Variants in TSHZ1 observed in about 807,000 individuals in gnomAD.
TSHZ1 encodes the protein teashirt homolog 1.
Under a neutral mutation model 67.1 loss-of-function variants are expected in TSHZ1, and 12 were observed. The observed-to-expected ratio is 0.18, with a 90% CI of 0.11 to 0.29. TSHZ1 has a LOEUF of 0.29. TSHZ1 is among the 10% of genes least tolerant of loss of function. The pLI is 1.00. For missense variants in TSHZ1, 1,305 were observed against 1,413.9 expected (o/e 0.92, Z 1.23); for synonymous variants, 632 against 622.4 (o/e 1.02, Z -0.23).
In TSHZ1 at chr18:75,271,587, G is replaced by A. The variant is rs533181350; in HGVS notation, c.41-13861G>A. Among the ~76,000 whole-genome samples the A allele has an allele frequency of 4.6e-5, 7 of 152,230 alleles. No individual in the cohort carries two copies. In the East Asian group the frequency reaches 1.2e-3, roughly 25 times the overall value. On this transcript the variant is annotated intron_variant, in intron 1 of 1. Transcript: ENST00000580243. ...AGTGTCACCTGTCTAGGTGAGTTGTGCCCGTGCCTATCTGAAGTGACAGCC... is the reference window on the plus strand; with the variant it reads ...AGTGTCACCTGTCTAGGTGAGTTGTACCCGTGCCTATCTGAAGTGACAGCC...
At chr18:75,219,638 C>G (rs1190431286) in intron 1 of TSHZ1, among the ~76,000 whole-genome samples, 1 of 152,196 alleles carries the variant, frequency 6.6e-6, no homozygotes, top group Admixed American at 6.5e-5. Flanking sequence ...TATTCTTGAA[C>G]TCTTTCTTTA....
chr18:75,226,680 C>G (rs531123863), intron 1 of TSHZ1, among the ~76,000 whole-genome samples: 1 of 151,916 alleles, frequency 6.6e-6, no homozygotes, highest in East Asian at 1.9e-4. Context: ...TTCCTTTTCC[C>G]TGGAGCCATG....
In TSHZ1 at chr18:75,289,178, G is replaced by T. The variant is rs2023828530; in HGVS notation, c.*537G>T. 1 of 166,994 alleles carries T rather than the reference G, an allele frequency of 6.0e-6. No individual in the cohort carries two copies. Among genetic ancestry groups the T allele is most frequent in the Admixed American group, 6.6e-5 (1 of 15,266 alleles). The allele number at this position is 166,994 out of a possible 1,614,324, so 10.3% of individuals were successfully genotyped here. ...ATTAAAAAATGAGCTTTTATATGCAGAACTGGTTTGTGAGGAAACATGCAT... is the reference window on the plus strand; with the variant it reads ...ATTAAAAAATGAGCTTTTATATGCATAACTGGTTTGTGAGGAAACATGCAT... On this transcript the variant is annotated 3_prime_UTR_variant, in exon 2 of 2. Coordinates refer to ENST00000580243, the MANE Select transcript of TSHZ1 (RefSeq NM_001308210.2).
At chr18:75,224,547 G>A (rs946286598) in intron 1 of TSHZ1, among the ~76,000 whole-genome samples, 2 of 152,176 alleles carry the variant, frequency 1.3e-5, no homozygotes, top group African/African-American at 4.8e-5. Flanking sequence ...GAGGAAGGGA[G>A]AAGTTTAAAC....
intron 1 of TSHZ1, among the ~76,000 whole-genome samples, chr18:75,255,278 C>T (rs1392779132): frequency 6.6e-6 from 1 of 152,100 alleles, no homozygotes; most frequent in African/African-American, 2.4e-5. Context: ...CTGTTCACCT[C>T]TAGTTTTTCA....
intron 1 of TSHZ1, chr18:75,284,122 C>T (rs1157080663): frequency 1.3e-5 from 2 of 152,606 alleles, no homozygotes; most frequent in Admixed American, 1.3e-4. Flanking sequence ...GTGCCTTGGT[C>T]AAAGAAGCTG....
At chr18:75,266,593 G>C (rs2023493101) in intron 1 of TSHZ1, among the ~76,000 whole-genome samples, 1 of 152,186 alleles carries the variant, frequency 6.6e-6, no homozygotes, top group South Asian at 2.1e-4. Context: ...ATATTCTCTT[G>C]AAACATAAGG....
rs561728993 is a variant in TSHZ1 at position 75,281,118 on chromosome 18, C to G, written c.41-4330C>G. ...AGCAAAGGCTTGCACTCAGGGTTGTCGGGAGCACAGCGTCTGCTGGAAGGG... is the reference window on the plus strand; with the variant it reads ...AGCAAAGGCTTGCACTCAGGGTTGTGGGGAGCACAGCGTCTGCTGGAAGGG... On this transcript the variant is annotated intron_variant, in intron 1 of 1. Transcript: ENST00000580243. This position sits in a 1 kb window ranked among gnomAD's most constrained non-coding sequence, Gnocchi z 5.3. 5.3e-5 allele frequency among the ~76,000 whole-genome samples: 8 copies of G among 152,130 alleles called. No homozygotes were observed. The highest frequency in any genetic ancestry group is 1.0e-4 in the Non-Finnish European group (7 of 68,018).
At chr18:75,217,917 A>C (rs1487581584) in intron 1 of TSHZ1, among the ~76,000 whole-genome samples, 1 of 152,342 alleles carries the variant, frequency 6.6e-6, no homozygotes, top group East Asian at 1.9e-4. Flanking sequence ...AAATATTCTG[A>C]AAACTTAAAG....
At chr18:75,243,531 A>T (rs1039659637) in intron 1 of TSHZ1, among the ~76,000 whole-genome samples, 1 of 152,010 alleles carries the variant, frequency 6.6e-6, no homozygotes, top group South Asian at 2.1e-4. Flanking sequence ...AGGGGTGGGG[A>T]AGATGAGGAG....
chr18:75,220,315 T>A (rs1158132510), intron 1 of TSHZ1, among the ~76,000 whole-genome samples: 1 of 152,206 alleles, frequency 6.6e-6, no homozygotes, highest in Non-Finnish European at 1.5e-5. Flanking sequence ...ACCGACTCTT[T>A]TTTTACATTT....
intron 1 of TSHZ1, among the ~76,000 whole-genome samples, chr18:75,272,268 G>A (rs960277989): frequency 1.3e-4 from 20 of 152,210 alleles, no homozygotes; most frequent in Admixed American, 2.0e-4. Context: ...GCCGGCACGC[G>A]AGGCGCCTTG....
intron 1 of TSHZ1, among the ~76,000 whole-genome samples, chr18:75,265,681 A>G (rs1000238248): frequency 6.6e-6 from 1 of 152,190 alleles, no homozygotes; most frequent in Non-Finnish European, 1.5e-5. Flanking sequence ...TAGAGAATGA[A>G]ACATCCAGTG....
chr18:75,248,032 C>T (rs949918993), intron 1 of TSHZ1, among the ~76,000 whole-genome samples: 23 of 152,108 alleles, frequency 1.5e-4, no homozygotes, highest in African/African-American at 5.6e-4. Context: ...AAGATAAGCG[C>T]ACTAGCCAAA....
At chr18:75,270,838 T>A (rs2023547834) in intron 1 of TSHZ1, among the ~76,000 whole-genome samples, 1 of 152,202 alleles carries the variant, frequency 6.6e-6, no homozygotes, top group Non-Finnish European at 1.5e-5. Flanking sequence ...TTCTGAATCT[T>A]TTCTTTCCCC....
chr18:75,212,324 A>C (rs992596230), intron 1 of TSHZ1, among the ~76,000 whole-genome samples: 6 of 152,136 alleles, frequency 3.9e-5, no homozygotes, highest in African/African-American at 1.4e-4. Context: ...CAAGGTCACC[A>C]GGCTGGGACG....
intron 1 of TSHZ1, among the ~76,000 whole-genome samples, chr18:75,226,000 A>G (rs1295402277): frequency 2.0e-5 from 3 of 152,228 alleles, no homozygotes; most frequent in African/African-American, 7.2e-5. Flanking sequence ...TTTGGAAATT[A>G]GTGCTATCTC....
intron 1 of TSHZ1, among the ~76,000 whole-genome samples, chr18:75,277,132 G>T (rs530742594): frequency 8.1e-4 from 124 of 152,284 alleles, no homozygotes; most frequent in African/African-American, 2.9e-3. Context: ...AACAAGAAGG[G>T]CCCAGCCGGT....
chr18:75,219,861 T>C (rs902976342), intron 1 of TSHZ1, among the ~76,000 whole-genome samples: 1 of 152,252 alleles, frequency 6.6e-6, no homozygotes, highest in Non-Finnish European at 1.5e-5. Flanking sequence ...AAGGCACGCG[T>C]AGGTGTGCAG....
Sources: allele counts gnomAD v4.1 joint callset (sites outside exome capture counted in the v4.1 genomes callset), GRCh38; gene constraint gnomAD v4.1.1; non-coding constraint Gnocchi (gnomAD v3.1); transcripts MANE v1.5; gene names NCBI Gene and HGNC (gene_info 2026-07-23, HGNC 2026-07-21).